Variants in C1QTNF3 observed in about 807,000 individuals in gnomAD.
C1QTNF3 encodes the protein complement C1q tumor necrosis factor-related protein 3.
A neutral mutation model predicts 32.6 loss-of-function variants in C1QTNF3; 26 were observed. The ratio of observed to expected loss-of-function variants is 0.80; its 90% CI spans 0.58 to 1.11. The LOEUF is 1.11. C1QTNF3 is among the 50% of genes least tolerant of loss of function. C1QTNF3 has a pLI of 0.00. For missense variants in C1QTNF3, 362 were observed against 398.2 expected (o/e 0.91, Z 0.77); for synonymous variants, 155 against 146.0 (o/e 1.06, Z -0.44).
the C1QTNF3 span, among the ~76,000 whole-genome samples, chr5:34,225,362 C>G: frequency 6.6e-6 from 1 of 151,928 alleles, no homozygotes; most frequent in Non-Finnish European, 1.5e-5. Flanking sequence ...CTACACAATC[C>G]TTTGATTCAT....
chr5:34,116,514 C>CG, the C1QTNF3 span, among the ~76,000 whole-genome samples: 536 of 70,488 alleles, frequency 7.6e-3, 16 homozygotes, highest in African/African-American at 0.037. Context: ...TTGTTAAATG[C>CG]TTAAATTTTA....
the C1QTNF3 span, among the ~76,000 whole-genome samples, chr5:34,217,869 G>T: frequency 2.0e-5 from 3 of 152,102 alleles, no homozygotes; most frequent in African/African-American, 7.2e-5. Flanking sequence ...TAGATGGTTG[G>T]TGTGTCATTA....
At chr5:34,073,308 C>G in the C1QTNF3 span, among the ~76,000 whole-genome samples, 12 of 145,148 alleles carry the variant, frequency 8.3e-5, no homozygotes, top group South Asian at 4.4e-4. Flanking sequence ...GCCTGGGCGA[C>G]AGAGCGAGAC....
the C1QTNF3 span, among the ~76,000 whole-genome samples, chr5:34,209,911 T>C: frequency 6.6e-6 from 1 of 152,108 alleles, no homozygotes; most frequent in Non-Finnish European, 1.5e-5. Flanking sequence ...CAATAGTAAA[T>C]CTGCCAATAT....
chr5:34,060,911 C>A, the C1QTNF3 span, among the ~76,000 whole-genome samples: 8 of 152,140 alleles, frequency 5.3e-5, no homozygotes, highest in African/African-American at 1.9e-4. Flanking sequence ...GCCTTGCCAA[C>A]AGTCCCCCAA....
the C1QTNF3 span, among the ~76,000 whole-genome samples, chr5:34,079,758 A>T: frequency 6.6e-6 from 1 of 151,752 alleles, no homozygotes; most frequent in African/African-American, 2.4e-5. Context: ...AGTAAAAGGC[A>T]GTAGCCAGGG....
the C1QTNF3 span, among the ~76,000 whole-genome samples, chr5:34,082,526 G>A: frequency 3.0e-4 from 46 of 151,680 alleles, 3 homozygotes; most frequent in African/African-American, 1.0e-3. Flanking sequence ...ACCATTTAAT[G>A]AGAGCAGACT....
chr5:34,128,800 G>A, the C1QTNF3 span, among the ~76,000 whole-genome samples: 2 of 152,168 alleles, frequency 1.3e-5, no homozygotes, highest in African/African-American at 4.8e-5. Flanking sequence ...GCTCATAGGC[G>A]GAAGGGACTT....
the C1QTNF3 span, among the ~76,000 whole-genome samples, chr5:34,133,895 G>C: frequency 2.0e-5 from 3 of 152,180 alleles, no homozygotes; most frequent in African/African-American, 7.2e-5. Flanking sequence ...AAATACTCCA[G>C]GATGTGTTTT....
At chr5:34,089,455 A>G in the C1QTNF3 span, among the ~76,000 whole-genome samples, 1 of 152,182 alleles carries the variant, frequency 6.6e-6, no homozygotes, top group Non-Finnish European at 1.5e-5. Context: ...CTTATAAAAG[A>G]AGTCCCAGAG....
At chr5:34,077,352 C>T in the C1QTNF3 span, among the ~76,000 whole-genome samples, 4 of 151,488 alleles carry the variant, frequency 2.6e-5, 1 homozygote, top group African/African-American at 4.9e-5. Flanking sequence ...AATCTATGCC[C>T]TTTTTACTAA....
At chr5:34,072,376 A>AG in the C1QTNF3 span, among the ~76,000 whole-genome samples, 1 of 114,820 alleles carries the variant, frequency 8.7e-6, no homozygotes, top group East Asian at 2.3e-4. Context: ...AGAAAGAGAA[A>AG]GAAAGAAAGA....
chr5:34,118,989 T>G, the C1QTNF3 span, among the ~76,000 whole-genome samples: 5 of 152,156 alleles, frequency 3.3e-5, no homozygotes, highest in African/African-American at 9.7e-5. Flanking sequence ...CATATTTGTA[T>G]GCAGACAATG....
intron 2 of C1QTNF3, among the ~76,000 whole-genome samples, chr5:34,035,008 T>A (rs10521013): frequency 1.3e-5 from 2 of 152,224 alleles, no homozygotes; most frequent in South Asian, 4.1e-4. Flanking sequence ...GGGATTAACC[T>A]GAGGATGAAG....
chr5:34,046,750 A>G (rs903226598), upstream of C1QTNF3, among the ~76,000 whole-genome samples: 10 of 152,136 alleles, frequency 6.6e-5, no homozygotes, highest in Non-Finnish European at 5.9e-5. Context: ...ACTTTTCAAA[A>G]CAACAACAAA....
chr5:34,036,742 A>T (rs1754750800), intron 1 of C1QTNF3, among the ~76,000 whole-genome samples: 1 of 152,212 alleles, frequency 6.6e-6, no homozygotes, highest in African/African-American at 2.4e-5. Context: ...ACCTGAGGTC[A>T]GGAGTTGGAG....
At chr5:34,144,110 A>G in the C1QTNF3 span, among the ~76,000 whole-genome samples, 1 of 152,170 alleles carries the variant, frequency 6.6e-6, no homozygotes, top group African/African-American at 2.4e-5. Flanking sequence ...AAAAAAAAAG[A>G]GCAAGAATCA....
chr5:34,084,558 T>C, the C1QTNF3 span, among the ~76,000 whole-genome samples: 2 of 151,396 alleles, frequency 1.3e-5, no homozygotes, highest in Non-Finnish European at 2.9e-5. Flanking sequence ...TTAATTGCAT[T>C]GCGCCCCTCT....
the C1QTNF3 span, among the ~76,000 whole-genome samples, chr5:34,129,052 C>T: frequency 3.3e-5 from 5 of 152,032 alleles, no homozygotes; most frequent in Non-Finnish European, 7.4e-5. Flanking sequence ...CATGGGGGCA[C>T]ACTTCCCCTT....
Sources: allele counts gnomAD v4.1 joint callset (sites outside exome capture counted in the v4.1 genomes callset), GRCh38; gene constraint gnomAD v4.1.1; transcripts MANE v1.5; gene names NCBI Gene and HGNC (gene_info 2026-07-23, HGNC 2026-07-21).